Variants in SLC24A3 observed in about 807,000 individuals in gnomAD.
The protein encoded by SLC24A3 is solute carrier family 24 member 3.
In SLC24A3, 28 loss-of-function variants were observed where a neutral mutation model predicts 75.8. That is an observed-to-expected ratio of 0.37 (90% confidence interval 0.27 to 0.51). The LOEUF (loss-of-function observed/expected upper bound fraction) is 0.51, where lower values mean the gene tolerates loss of function less well. Among genes scored for constraint, SLC24A3 ranks in the 20% least tolerant of loss-of-function variants. The pLI, the probability that SLC24A3 is intolerant of heterozygous loss-of-function variation, is 0.94. For missense variants in SLC24A3, 663 were observed against 847.8 expected (o/e 0.78, Z 2.71); for synonymous variants, 372 against 334.1 (o/e 1.11, Z -1.24).
chr20:19,252,423 G>A (rs1314941237), intron 1 of SLC24A3, among the ~76,000 whole-genome samples: 16 of 152,176 alleles, frequency 1.1e-4, no homozygotes, highest in Admixed American at 1.0e-3. Flanking sequence ...CCAAGGCTTG[G>A]AGTAAGAAGA....
At chr20:19,660,028 G>A (rs1381150603) in intron 7 of SLC24A3, among the ~76,000 whole-genome samples, 1 of 152,132 alleles carries the variant, frequency 6.6e-6, no homozygotes, top group African/African-American at 2.4e-5. Flanking sequence ...ACCGGCAGCT[G>A]GCTGACCTCC....
chr20:19,438,630 TC>T (rs1289492697), intron 2 of SLC24A3, among the ~76,000 whole-genome samples: 1 of 150,016 alleles, frequency 6.7e-6, no homozygotes, highest in Non-Finnish European at 1.5e-5. Context: ...CACCTGGCAT[TC>T]CCACATGGTA....
intron 2 of SLC24A3, among the ~76,000 whole-genome samples, chr20:19,432,180 C>A (rs1987115149): frequency 6.6e-6 from 1 of 151,640 alleles, no homozygotes; most frequent in Non-Finnish European, 1.5e-5. Context: ...TAGTGCTTAG[C>A]AAAAGCCAAC....
At chr20:19,452,687 T>C (rs968562898) in intron 2 of SLC24A3, among the ~76,000 whole-genome samples, 3 of 151,766 alleles carry the variant, frequency 2.0e-5, no homozygotes, top group African/African-American at 7.3e-5. Flanking sequence ...ATACAGCTGG[T>C]ATATTAGCAA....
intron 1 of SLC24A3, among the ~76,000 whole-genome samples, chr20:19,268,267 G>A (rs182802166): frequency 2.0e-5 from 3 of 152,220 alleles, no homozygotes; most frequent in Admixed American, 2.0e-4. Context: ...CTCGGTGCAG[G>A]TGCCATTGTG....
At chr20:19,346,678 T>C (rs1167232951) in intron 2 of SLC24A3, among the ~76,000 whole-genome samples, 2 of 151,984 alleles carry the variant, frequency 1.3e-5, no homozygotes, top group East Asian at 1.9e-4. Context: ...CATTGGACTT[T>C]GGGAACTCAG....
intron 1 of SLC24A3, among the ~76,000 whole-genome samples, chr20:19,217,564 T>G (rs1981596716): frequency 1.3e-5 from 2 of 152,194 alleles, no homozygotes; most frequent in Non-Finnish European, 2.9e-5. Context: ...GAGGTTGCAG[T>G]GGGTATTTGA....
chr20:19,584,843 C>A, intron 4 of SLC24A3, 128 bp from the exon 5 acceptor site: 1 of 723,012 alleles, frequency 1.4e-6, no homozygotes, highest in East Asian at 2.7e-5. Flanking sequence ...GCCCCAGGTC[C>A]CATCGGTCCT....
chr20:19,422,953 C>T (rs1298445254), intron 2 of SLC24A3, among the ~76,000 whole-genome samples: 2 of 152,192 alleles, frequency 1.3e-5, no homozygotes, highest in African/African-American at 2.4e-5. Context: ...GTTAGGAAGT[C>T]GCTTATCAGT....
At chr20:19,381,888 G>A (rs1986189402) in intron 2 of SLC24A3, among the ~76,000 whole-genome samples, 1 of 152,186 alleles carries the variant, frequency 6.6e-6, no homozygotes, top group African/African-American at 2.4e-5. Context: ...GGAGGGGCAG[G>A]CAGGCATTCT....
chr20:19,543,143 C>T (rs1186589348), intron 3 of SLC24A3, among the ~76,000 whole-genome samples: 1 of 152,140 alleles, frequency 6.6e-6, no homozygotes, highest in African/African-American at 2.4e-5. Context: ...CCCCATTATA[C>T]AGGAGAGTAA....
intron 2 of SLC24A3, among the ~76,000 whole-genome samples, chr20:19,431,639 G>A (rs1175282437): frequency 6.6e-6 from 1 of 151,918 alleles, no homozygotes; most frequent in Non-Finnish European, 1.5e-5. Flanking sequence ...ACTCAGCCTG[G>A]AGTCAGAAGC....
chr20:19,463,445 TG>T (rs1987712340), intron 2 of SLC24A3, among the ~76,000 whole-genome samples: 3 of 152,208 alleles, frequency 2.0e-5, no homozygotes, highest in Middle Eastern at 3.2e-3. Context: ...TCCTCACCAC[TG>T]TGTTTTTCTA....
At chr20:19,291,952 A>C (rs1983952846) in intron 2 of SLC24A3, among the ~76,000 whole-genome samples, 1 of 152,244 alleles carries the variant, frequency 6.6e-6, no homozygotes, top group African/African-American at 2.4e-5. Flanking sequence ...GGGCACTCAC[A>C]GTACCCACCC....
chr20:19,380,686 T>G (rs1299990184), intron 2 of SLC24A3, among the ~76,000 whole-genome samples: 1 of 152,028 alleles, frequency 6.6e-6, no homozygotes, highest in Non-Finnish European at 1.5e-5. Context: ...GATGGATTAT[T>G]TTGGAGGGAT....
At chr20:19,673,685 A>G (rs766056803) in intron 9 of SLC24A3, 31 bp downstream of exon 9, 2 of 1,581,666 alleles carry the variant, frequency 1.3e-6, no homozygotes, top group East Asian at 4.5e-5. Context: ...CTTATCCAAA[A>G]CTGTTTCTTG....
intron 1 of SLC24A3, among the ~76,000 whole-genome samples, chr20:19,262,102 T>C (rs1983007520): frequency 6.6e-6 from 1 of 152,056 alleles, no homozygotes; most frequent in African/African-American, 2.4e-5. Context: ...GCATCGCCTC[T>C]ATACACAGAA....
rs1363907845 is a variant in SLC24A3, at chr20:19,685,096, C to G, written c.1063-4C>G. ...GTGGTAAGAGTGCGCCTTTCTCTTT[C>G]CAGAGACAAAGATTGATAAACAGCA... is the stretch of plus-strand genomic sequence containing the variant. On this transcript the variant is annotated splice_region_variant and splice_polypyrimidine_tract_variant and intron_variant, in intron 11 of 16. Transcript: ENST00000328041. 3 of 1,597,806 alleles carry G rather than the reference C, an allele frequency of 1.9e-6. No homozygotes were observed. Among genetic ancestry groups the G allele is most frequent in the Non-Finnish European group, 2.6e-6 (3 of 1,169,048 alleles).
chr20:19,567,361 A>G (rs1334225077), intron 3 of SLC24A3, among the ~76,000 whole-genome samples: 2 of 152,250 alleles, frequency 1.3e-5, no homozygotes, highest in Non-Finnish European at 2.9e-5. Context: ...GAATGAGGTC[A>G]TGTCCTTTGT....
Sources: allele counts gnomAD v4.1 joint callset (sites outside exome capture counted in the v4.1 genomes callset), GRCh38; gene constraint gnomAD v4.1.1; transcripts MANE v1.5; gene names NCBI Gene and HGNC (gene_info 2026-07-23, HGNC 2026-07-21).